The following TENT2 variants were observed in gnomAD, a reference collection of about 807,000 sequenced individuals.
TENT2 encodes the protein poly(A) RNA polymerase GLD2.
TENT2 carries 44 observed loss-of-function variants against 72.2 expected under a neutral mutation model. The observed-to-expected ratio is 0.61, with a 90% CI of 0.48 to 0.78. The LOEUF (loss-of-function observed/expected upper bound fraction) is 0.78. Among genes scored for constraint, TENT2 ranks in the 30% least tolerant of loss-of-function variants. The pLI is 0.00. For missense variants in TENT2, 541 were observed against 569.6 expected, an observed-to-expected ratio of 0.95 and a Z score of 0.51; for synonymous variants, 212 against 192.5, an observed-to-expected ratio of 1.10 and a Z score of -0.84.
chr5:79,643,013 C>G, intron 7 of TENT2, 103 bp downstream of exon 7: 1 of 1,392,232 alleles, frequency 7.2e-7, no homozygotes, highest in Non-Finnish European at 9.5e-7. Context: ...TGGTCAGGAT[C>G]AGTATAATAT....
rs778843484 is a variant in TENT2 at position 79,687,049 on chromosome 5, T to G, written c.*1776T>G. 9.8e-5 allele frequency among the ~76,000 whole-genome samples: 15 copies of G among 152,316 alleles called. No homozygotes were observed. Among genetic ancestry groups the G allele is most frequent in the Non-Finnish European group, 1.9e-4 (13 of 68,008 alleles). Reference sequence around the variant, plus strand: ...GCCTCTACAGTATTATGACATTTCCTAATAAAACCCCAGAATTTACCATGG... The same window carrying G: ...GCCTCTACAGTATTATGACATTTCCGAATAAAACCCCAGAATTTACCATGG... On this transcript the variant is annotated 3_prime_UTR_variant, in exon 15 of 15. Coordinates refer to ENST00000453514, the MANE Select transcript of TENT2 (RefSeq NM_001114394.3).
At chr5:79,654,102 G>A (rs978134565) in intron 10 of TENT2, among the ~76,000 whole-genome samples, 1 of 152,122 alleles carries the variant, frequency 6.6e-6, no homozygotes, top group African/African-American at 2.4e-5. Context: ...GCATGAGGGG[G>A]AATTGAGAAA....
intron 10 of TENT2, 117 bp from the exon 11 acceptor site, chr5:79,656,841 T>G: frequency 1.7e-6 from 1 of 603,638 alleles, no homozygotes; most frequent in Non-Finnish European, 2.9e-6. Context: ...TATTTGAAAA[T>G]TGTTGAATTT....
In TENT2 at chr5:79,681,228, C is replaced by T. The variant is rs1489243310; in HGVS notation, c.1301-754C>T. Among the ~76,000 whole-genome samples, 4 of 122,968 alleles carry T rather than the reference C, an allele frequency of 3.3e-5. No individual in the cohort carries two copies. The South Asian group carries it at 8.3e-4, about 25-fold the overall frequency. The allele number at this position is 122,968 out of a possible 152,430, so 80.7% of individuals were successfully genotyped here. A position where few individuals can be genotyped will look rare whatever the true frequency, so the allele number is the denominator to read the frequency against. On this transcript the variant is annotated intron_variant, in intron 13 of 14. Coordinates refer to ENST00000453514, the MANE Select transcript of TENT2 (RefSeq NM_001114394.3). ...AGGCTGGAGTGCAGTGGCGTGATCT[C>T]GGCTCACTGCAACCTCTACCTCCCA...
rs1019994318 is a variant in TENT2, at chr5:79,656,983, C to T, written c.1053C>T (p.Ser351=). The T allele has an allele frequency of 2.5e-6, 4 of 1,603,936 alleles. No individual in the cohort carries two copies. Among genetic ancestry groups the T allele is most frequent in the African/African-American group, 2.7e-5 (2 of 74,606 alleles). The part of the protein sequence containing the change: ...LQTLPEPILP[S]LQKIYPESFS... ...CCCTACCTGAACCCATCCTTCCATC[C>T]CTCCAAAAAATTTACCCAGTAAGTG... The change falls in exon 11 of 15, where the codon TCC becomes TCT. Residue 351 remains serine (S), a synonymous_variant. Coordinates refer to ENST00000453514, the MANE Select transcript of TENT2 (RefSeq NM_001114394.3).
At chr5:79,619,038 G>A (rs1448851488) in intron 1 of TENT2, among the ~76,000 whole-genome samples, 2 of 152,138 alleles carry the variant, frequency 1.3e-5, no homozygotes, top group African/African-American at 2.4e-5. Flanking sequence ...CTCCTCCCTG[G>A]ATCAGTGAAG....
At chr5:79,680,173 A>G (rs1171262279) in intron 13 of TENT2, among the ~76,000 whole-genome samples, 8 of 152,292 alleles carry the variant, frequency 5.3e-5, no homozygotes, top group Admixed American at 4.6e-4. Context: ...TCAAGGGACA[A>G]AATTATTCTC....
intron 14 of TENT2, among the ~76,000 whole-genome samples, chr5:79,684,864 C>T (rs886482984): frequency 6.6e-6 from 1 of 151,736 alleles, no homozygotes; most frequent in African/African-American, 2.4e-5. Flanking sequence ...ACTTAGCCAG[C>T]CTGGGCAATA....
In TENT2 at chr5:79,648,702, G is replaced by A. The variant is rs1315569844; in HGVS notation, c.898+9G>A. 2.6e-6 allele frequency: 4 copies of A among 1,560,706 alleles called. No homozygotes were observed. The highest frequency in any genetic ancestry group is 2.0e-5 in the Admixed American group (1 of 50,530). ...CAGAACTTATGCATACCGTAAGTTTGTTGTTTGTTTATTAAAAATTAGCCT... is the reference window on the plus strand; with the variant it reads ...CAGAACTTATGCATACCGTAAGTTTATTGTTTGTTTATTAAAAATTAGCCT... On this transcript the variant is annotated intron_variant, in intron 9 of 14. Coordinates refer to ENST00000453514, the MANE Select transcript of TENT2 (RefSeq NM_001114394.3).
chr5:79,677,968 G>A (rs1457329813), intron 12 of TENT2, among the ~76,000 whole-genome samples: 1 of 151,984 alleles, frequency 6.6e-6, no homozygotes, highest in Non-Finnish European at 1.5e-5. Context: ...GCTACTTTTT[G>A]GATTTTTAGT....
chr5:79,628,623 A>G (rs1261535285), intron 4 of TENT2, among the ~76,000 whole-genome samples: 1 of 152,214 alleles, frequency 6.6e-6, no homozygotes, highest in African/African-American at 2.4e-5. Context: ...GACTTCAGTG[A>G]TTTGATACTG....
chr5:79,659,794 A>G (rs1172508917), intron 11 of TENT2, among the ~76,000 whole-genome samples: 1 of 151,676 alleles, frequency 6.6e-6, no homozygotes, highest in East Asian at 1.9e-4. Context: ...GGGGAAGGCA[A>G]AATTACAGTA....
At chr5:79,623,532 G>A (rs781481195) in intron 4 of TENT2, 43 bp downstream of exon 4, 24 of 1,360,058 alleles carry the variant, frequency 1.8e-5, no homozygotes, top group African/African-American at 2.9e-5. Context: ...TGGGAATTTA[G>A]TATAAATAAT....
chr5:79,676,763 T>C (rs1817666257), intron 12 of TENT2, among the ~76,000 whole-genome samples: 1 of 152,184 alleles, frequency 6.6e-6, no homozygotes, highest in African/African-American at 2.4e-5. Context: ...CCCATATCTG[T>C]TCTTCTTTCT....
At chr5:79,647,930 C>T (rs903357918) in intron 8 of TENT2, among the ~76,000 whole-genome samples, 1 of 152,094 alleles carries the variant, frequency 6.6e-6, no homozygotes, top group East Asian at 1.9e-4. Flanking sequence ...CCAAATTTGA[C>T]ATGATACTGT....
At chr5:79,651,918 T>C (rs1317160810) in intron 10 of TENT2, among the ~76,000 whole-genome samples, 1 of 152,146 alleles carries the variant, frequency 6.6e-6, no homozygotes, top group Non-Finnish European at 1.5e-5. Context: ...TATAATCTTA[T>C]ACTCTGTCCT....
chr5:79,673,485 G>A (rs570482104), intron 12 of TENT2, among the ~76,000 whole-genome samples: 4 of 151,900 alleles, frequency 2.6e-5, no homozygotes, highest in African/African-American at 9.7e-5. Context: ...CAAGAGATAG[G>A]GTTCTAGTTT....
rs1294968411 is a variant in TENT2 at position 79,686,257 on chromosome 5, A to AT, written c.*985dup. The AT allele has an allele frequency of 1.3e-5, 2 of 152,690 alleles. No individual in the cohort carries two copies. Among genetic ancestry groups the AT allele is most frequent in the South Asian group, 4.1e-4 (2 of 4,828 alleles). 9.5% of individuals were successfully genotyped at this position (152,690 alleles called of 1,614,324 possible). On this transcript the variant is annotated 3_prime_UTR_variant, in exon 15 of 15. Transcript: ENST00000453514. ...TTAGATAAGACACAATAAAATTATT[A>AT]TAAATAAAAGCTTAATGTTTGTAAA...
intron 2 of TENT2, 23 bp from the exon 3 acceptor site, chr5:79,619,971 G>A (rs778387479): frequency 6.5e-7 from 1 of 1,550,158 alleles, no homozygotes; most frequent in East Asian, 2.3e-5. Context: ...ATAAATTACT[G>A]TTCTTTTCTT....
Sources: allele counts gnomAD v4.1 joint callset (sites outside exome capture counted in the v4.1 genomes callset), GRCh38; gene constraint gnomAD v4.1.1; transcripts MANE v1.5; gene names NCBI Gene and HGNC (gene_info 2026-07-23, HGNC 2026-07-21).